Variants in SLC38A3 observed in about 807,000 individuals in gnomAD.
SLC38A3 encodes the protein solute carrier family 38 member 3, also known as sodium-coupled neutral amino acid transporter 3.
In SLC38A3, 17 loss-of-function variants were observed where a neutral mutation model predicts 59.5. That is an observed-to-expected ratio of 0.29 (90% CI 0.20 to 0.43). SLC38A3 has a LOEUF of 0.43. Among genes scored for constraint, SLC38A3 ranks in the 20% least tolerant of loss-of-function variants. The pLI is 1.00. For missense variants in SLC38A3, 454 were observed against 653.9 expected (o/e 0.69, Z 3.33); for synonymous variants, 238 against 260.3 (o/e 0.91, Z 0.82).
At chr3:50,207,154 T>C (rs1043799080) in intron 1 of SLC38A3, among the ~76,000 whole-genome samples, 1 of 152,090 alleles carries the variant, frequency 6.6e-6, no homozygotes, top group African/African-American at 2.4e-5. Flanking sequence ...GGTGTCTCTG[T>C]GAACAGAAAG....
intron 7 of SLC38A3, among the ~76,000 whole-genome samples, chr3:50,216,028 C>G (rs1699813777): frequency 6.6e-6 from 1 of 152,108 alleles, no homozygotes; most frequent in Admixed American, 6.5e-5. Context: ...TTGGAGACCC[C>G]CCTCCAGAAG....
intron 1 of SLC38A3, among the ~76,000 whole-genome samples, chr3:50,212,023 C>G (rs760806910): frequency 6.6e-6 from 1 of 152,322 alleles, no homozygotes; most frequent in East Asian, 1.9e-4. Context: ...GAGAGATATT[C>G]TAAATCCTTT....
intron 1 of SLC38A3, among the ~76,000 whole-genome samples, chr3:50,209,802 G>A (rs1196952390): frequency 1.3e-5 from 2 of 152,150 alleles, no homozygotes; most frequent in African/African-American, 4.8e-5. Context: ...GGGAGCTGGG[G>A]GCTGAGGATT....
chr3:50,218,996 T>A lies in SLC38A3; in HGVS notation c.1306+48T>A. Reference sequence around the variant, plus strand: ...GAAGCAGGGTATTGCCCCAGAGGATTTCAACTCTGCAAATCCTGGCAGATT... The same window carrying A: ...GAAGCAGGGTATTGCCCCAGAGGATATCAACTCTGCAAATCCTGGCAGATT... On this transcript the variant is annotated intron_variant, in intron 14 of 15. Transcript: ENST00000614032. This position sits in a 1 kb window ranked among gnomAD's most constrained non-coding sequence, Gnocchi z 5.8. The A allele has an allele frequency of 6.3e-7, 1 of 1,582,730 alleles. No individual in the cohort carries two copies. The highest frequency in any genetic ancestry group is 8.6e-7 in the Non-Finnish European group (1 of 1,157,504).
chr3:50,217,495 C>T lies in SLC38A3; in HGVS notation c.690+22C>T. 2 of 1,611,364 alleles carry T rather than the reference C, an allele frequency of 1.2e-6. No individual in the cohort carries two copies. Among genetic ancestry groups the T allele is most frequent in the South Asian group, 1.1e-5 (1 of 90,660 alleles). ...TGCAGTGAGTCACCCTCCATGTTGGCTGAGAAAGCGGGCAGCGGGTCTCCT... is the reference window on the plus strand; with the variant it reads ...TGCAGTGAGTCACCCTCCATGTTGGTTGAGAAAGCGGGCAGCGGGTCTCCT... On this transcript the variant is annotated intron_variant, in intron 9 of 15. Transcript: ENST00000614032. The surrounding 1 kb of genome is among the most constrained non-coding windows in gnomAD (Gnocchi z 4.9).
At chr3:50,216,865 C>T (rs760196410) in intron 7 of SLC38A3, among the ~76,000 whole-genome samples, 6 of 152,186 alleles carry the variant, frequency 3.9e-5, no homozygotes, top group South Asian at 4.1e-4. Context: ...CTCTGCCTCC[C>T]GGGTTCTTGT....
chr3:50,214,457 C>T lies in SLC38A3; in HGVS notation c.157C>T (p.Pro53Ser), dbSNP rs1699786876. The change falls in exon 3 of 16, where the codon CCC becomes TCC. Residue 53 changes from proline to serine, a missense_variant. Pro to Ser is a moderately conservative substitution (Grantham distance 74). Coordinates refer to ENST00000614032, the MANE Select transcript of SLC38A3 (RefSeq NM_006841.6). This position sits in a 1 kb window ranked among gnomAD's most constrained non-coding sequence, Gnocchi z 6.0. ...MEGKSFLQKS[P>S]SKEPHFTDFE... The stretch of plus-strand genomic sequence containing the variant: ...GGGCAAGAGCTTCCTACAGAAAAGT[C>T]CCAGCAAGGAGCCACACTTCACTGA... The T allele has an allele frequency of 1.1e-5, 17 of 1,571,862 alleles. No homozygotes were observed. The highest frequency in any genetic ancestry group is 1.2e-5 in the Non-Finnish European group (14 of 1,158,768).
rs1357458405 is a variant in SLC38A3, at chr3:50,217,472, C to T, written c.689C>T (p.Ala230Val). 1.9e-6 allele frequency: 3 copies of T among 1,612,922 alleles called. No individual in the cohort carries two copies. The highest frequency in any genetic ancestry group is 3.3e-4 in the Middle Eastern group (2 of 6,006). Residue 230 changes from alanine to valine, a missense_variant and splice_region_variant, in exon 9 of 16, where the codon GCA becomes GTA. Ala to Val is a moderately conservative substitution (Grantham distance 64, BLOSUM62 0). This residue lies in a region of SLC38A3 where 390 missense variants were observed against 557.9 expected (regional missense o/e 0.70). Coordinates refer to ENST00000614032, the MANE Select transcript of SLC38A3 (RefSeq NM_006841.6). This position sits in a 1 kb window ranked among gnomAD's most constrained non-coding sequence, Gnocchi z 4.9. ...SLSCMVFFLI[A>V]VIYKKFHVPC... ...AGCTGCATGGTGTTCTTCCTAATTG[C>T]AGTGAGTCACCCTCCATGTTGGCTG... is the stretch of plus-strand genomic sequence containing the variant.
Position 50,217,473 on chromosome 3 carries a change from A to C in SLC38A3, c.690A>C (p.Ala230=). 3 of 1,612,932 alleles carry C rather than the reference A, an allele frequency of 1.9e-6. No homozygotes were observed. Among genetic ancestry groups the C allele is most frequent in the Non-Finnish European group, 2.5e-6 (3 of 1,179,448 alleles). Reference sequence around the variant, plus strand: ...GCTGCATGGTGTTCTTCCTAATTGCAGTGAGTCACCCTCCATGTTGGCTGA... The same window carrying C: ...GCTGCATGGTGTTCTTCCTAATTGCCGTGAGTCACCCTCCATGTTGGCTGA... The part of the protein sequence containing the change: ...SLSCMVFFLI[A]VIYKKFHVPC... Residue 230 remains alanine (A), a splice_region_variant and synonymous_variant, in exon 9 of 16, where the codon GCA becomes GCC. Transcript: ENST00000614032. The surrounding 1 kb of genome is among the most constrained non-coding windows in gnomAD (Gnocchi z 4.9).
At chr3:50,211,297 C>T (rs1205787678) in intron 1 of SLC38A3, among the ~76,000 whole-genome samples, 1 of 152,216 alleles carries the variant, frequency 6.6e-6, no homozygotes, top group East Asian at 1.9e-4. Context: ...TGCTAATCCT[C>T]ACCCTGGCCC....
chr3:50,214,311 G>C lies in SLC38A3; in HGVS notation c.101+11G>C, dbSNP rs750773163. 8 of 1,613,328 alleles carry C rather than the reference G, an allele frequency of 5.0e-6. No individual in the cohort carries two copies. The highest frequency in any genetic ancestry group is 5.9e-6 in the Non-Finnish European group (7 of 1,179,542). ...GGCAGGCAACCAGAGGTGAGTACCAGAGGGACCCAGTGGTGGCTGAAGACA... is the reference window on the plus strand; with the variant it reads ...GGCAGGCAACCAGAGGTGAGTACCACAGGGACCCAGTGGTGGCTGAAGACA... On this transcript the variant is annotated intron_variant, in intron 2 of 15. Coordinates refer to ENST00000614032, the MANE Select transcript of SLC38A3 (RefSeq NM_006841.6). This position sits in a 1 kb window ranked among gnomAD's most constrained non-coding sequence, Gnocchi z 6.0.
At position 50,218,553 on chromosome 3, in the gene SLC38A3, C is replaced by T; in HGVS notation, c.1037-40C>T. On this transcript the variant is annotated intron_variant, in intron 12 of 15. Transcript: ENST00000614032. This position sits in a 1 kb window ranked among gnomAD's most constrained non-coding sequence, Gnocchi z 5.8. ...TAGGCAGCTCAGATCCCACCTCCTT[C>T]CTGGGGCCACCTACTGACCACCCTC... is the stretch of plus-strand genomic sequence containing the variant. The T allele has an allele frequency of 1.2e-6, 2 of 1,600,742 alleles. No homozygotes were observed. Among genetic ancestry groups the T allele is most frequent in the Non-Finnish European group, 1.7e-6 (2 of 1,172,738 alleles).
intron 1 of SLC38A3, among the ~76,000 whole-genome samples, chr3:50,211,578 T>C (rs1699729121): frequency 6.9e-6 from 1 of 145,758 alleles, no homozygotes; most frequent in Non-Finnish European, 1.5e-5. Flanking sequence ...CTTTTTTTTT[T>C]TTTTTTTTTT....
At chr3:50,209,188 C>A (rs557390195) in intron 1 of SLC38A3, among the ~76,000 whole-genome samples, 1 of 152,264 alleles carries the variant, frequency 6.6e-6, no homozygotes, top group East Asian at 1.9e-4. Flanking sequence ...AGCAGGCTGG[C>A]AATGGGTGAG....
At position 50,215,527 on chromosome 3, in the gene SLC38A3, T is replaced by G. The variant is rs755707477; in HGVS notation, c.374-17T>G. On this transcript the variant is annotated splice_polypyrimidine_tract_variant and intron_variant, in intron 5 of 15. Transcript: ENST00000614032. The surrounding 1 kb of genome is among the most constrained non-coding windows in gnomAD (Gnocchi z 7.1). Reference sequence around the variant, plus strand: ...AAACTGGGACAAGCTCCTGACTTCTTGACCCTGCTCCTGCAGGCATCCGTG... The same window carrying G: ...AAACTGGGACAAGCTCCTGACTTCTGGACCCTGCTCCTGCAGGCATCCGTG... 1.4e-5 allele frequency: 22 copies of G among 1,613,770 alleles called. No homozygotes were observed. The highest frequency in any genetic ancestry group is 1.7e-5 in the Admixed American group (1 of 60,014).
chr3:50,214,877 T>G lies in SLC38A3; in HGVS notation c.299+109T>G. The G allele has an allele frequency of 1.4e-6, 1 of 740,410 alleles. No individual in the cohort carries two copies. The highest frequency in any genetic ancestry group is 2.6e-5 in the Admixed American group (1 of 39,184). The allele number at this position is 740,410 out of a possible 1,614,324, so 45.9% of individuals were successfully genotyped here. On this transcript the variant is annotated intron_variant, in intron 4 of 15. Transcript: ENST00000614032. The surrounding 1 kb of genome is among the most constrained non-coding windows in gnomAD (Gnocchi z 6.0). ...GTCCCAGCATCCAGGCTGCAGTGGG[T>G]GGGCACTTCTTACACTAACAAACCG...
chr3:50,210,826 C>T (rs2109150918), intron 1 of SLC38A3, among the ~76,000 whole-genome samples: 1 of 152,270 alleles, frequency 6.6e-6, no homozygotes, highest in African/African-American at 2.4e-5. Flanking sequence ...GATTTACTGC[C>T]CGGGTTCACA....
chr3:50,210,540 A>G (rs1699709666), intron 1 of SLC38A3, among the ~76,000 whole-genome samples: 1 of 152,212 alleles, frequency 6.6e-6, no homozygotes, highest in South Asian at 2.1e-4. Flanking sequence ...CAAGGCTCAG[A>G]GTCCTGGGGA....
intron 1 of SLC38A3, among the ~76,000 whole-genome samples, chr3:50,211,176 T>TCCGATTC (rs1370439712): frequency 6.6e-6 from 1 of 152,156 alleles, no homozygotes; most frequent in Non-Finnish European, 1.5e-5. Flanking sequence ...TTACCCCGAT[T>TCCGATTC]CCGATTCCCG....
Sources: allele counts gnomAD v4.1 joint callset (sites outside exome capture counted in the v4.1 genomes callset), GRCh38; gene constraint gnomAD v4.1.1; regional missense constraint gnomAD v4.1.1; non-coding constraint Gnocchi (gnomAD v3.1); transcripts MANE v1.5; gene names NCBI Gene and HGNC (gene_info 2026-07-23, HGNC 2026-07-21).